NCAM2: variants seen among roughly 807,000 people sequenced by gnomAD.
NCAM2 encodes the protein neural cell adhesion molecule 2.
In NCAM2, 30 loss-of-function variants were observed where a neutral mutation model predicts 98.1. That is an observed-to-expected ratio of 0.31 (90% CI 0.23 to 0.41). The LOEUF (loss-of-function observed/expected upper bound fraction) is 0.41. Among genes scored for constraint, NCAM2 ranks in the 10% least tolerant of loss-of-function variants. NCAM2 has a pLI of 1.00. For synonymous variants in NCAM2, 368 were observed against 342.4 expected (o/e 1.07, Z -0.83); for missense variants, 867 against 1,005.8 (o/e 0.86, Z 1.87).
chr21:21,471,382 G>C (rs1387422578), intron 14 of NCAM2, among the ~76,000 whole-genome samples: 1 of 151,918 alleles, frequency 6.6e-6, no homozygotes, highest in Non-Finnish European at 1.5e-5. Context: ...AAAAGTTCTT[G>C]ATCATCTGTT....
intron 11 of NCAM2, among the ~76,000 whole-genome samples, chr21:21,419,606 C>T (rs1395647176): frequency 3.4e-5 from 5 of 146,984 alleles, no homozygotes; most frequent in African/African-American, 5.0e-5. Context: ...TGAGAACAGG[C>T]GGTGTTTGGT....
chr21:21,534,513 A>T, intron 16 of NCAM2, 24 bp from the exon 17 acceptor site: 1 of 1,535,470 alleles, frequency 6.5e-7, no homozygotes, highest in South Asian at 1.2e-5. Context: ...TACACAGGTG[A>T]GATGTTTCTC....
At chr21:21,380,712 A>C (rs1197980174) in intron 9 of NCAM2, among the ~76,000 whole-genome samples, 1 of 151,970 alleles carries the variant, frequency 6.6e-6, no homozygotes, top group African/African-American at 2.4e-5. Context: ...TCTGTCTCAA[A>C]CTTTCCTTGC....
chr21:21,329,274 C>G (rs1328580642), intron 6 of NCAM2, among the ~76,000 whole-genome samples: 2 of 152,090 alleles, frequency 1.3e-5, no homozygotes, highest in Non-Finnish European at 2.9e-5. Flanking sequence ...ATATTTTTTA[C>G]TGTACCTTTT....
At chr21:21,085,790 ATAT>A (rs2065894924) in intron 1 of NCAM2, among the ~76,000 whole-genome samples, 1 of 152,140 alleles carries the variant, frequency 6.6e-6, no homozygotes, top group South Asian at 2.1e-4. Flanking sequence ...CTGGGAGCAA[ATAT>A]TATTCAGCAT....
At chr21:21,131,574 G>C (rs1419153182) in intron 1 of NCAM2, among the ~76,000 whole-genome samples, 2 of 152,072 alleles carry the variant, frequency 1.3e-5, no homozygotes, top group East Asian at 3.9e-4. Context: ...CTCCTGGCTG[G>C]GGTATAATTT....
At chr21:21,090,781 A>G (rs1159546771) in intron 1 of NCAM2, among the ~76,000 whole-genome samples, 1 of 152,080 alleles carries the variant, frequency 6.6e-6, no homozygotes, top group Non-Finnish European at 1.5e-5. Flanking sequence ...AATTGCTTCA[A>G]CCCTCTAGAC....
intron 9 of NCAM2, among the ~76,000 whole-genome samples, chr21:21,402,547 G>A (rs1295320144): frequency 6.6e-6 from 1 of 152,094 alleles, no homozygotes; most frequent in Admixed American, 6.6e-5. Flanking sequence ...TTCTGATTTT[G>A]CCCTGGTCCT....
At chr21:21,513,759 G>T (rs952916705) in intron 16 of NCAM2, among the ~76,000 whole-genome samples, 1 of 152,024 alleles carries the variant, frequency 6.6e-6, no homozygotes, top group Non-Finnish European at 1.5e-5. Context: ...TTGATTTTCT[G>T]CCTGGATGTC....
At chr21:21,281,945 G>A (rs2072944452) in intron 2 of NCAM2, among the ~76,000 whole-genome samples, 1 of 151,556 alleles carries the variant, frequency 6.6e-6, no homozygotes, top group Non-Finnish European at 1.5e-5. Flanking sequence ...TGTATAACAT[G>A]TCACATTTTA....
intron 1 of NCAM2, among the ~76,000 whole-genome samples, chr21:21,084,261 G>C (rs1475225635): frequency 6.6e-6 from 1 of 152,084 alleles, no homozygotes; most frequent in African/African-American, 2.4e-5. Context: ...CCTTACCTTA[G>C]GGTTTAGGAT....
At chr21:21,122,660 A>G (rs2066699622) in intron 1 of NCAM2, among the ~76,000 whole-genome samples, 1 of 152,128 alleles carries the variant, frequency 6.6e-6, no homozygotes, top group South Asian at 2.1e-4. Context: ...GGACCTATTC[A>G]GTTCTGTTTC....
Position 21,335,569 on chromosome 21 carries a change from G to T in NCAM2, c.802G>T (p.Val268Phe). Residue 268 changes from valine (V) to phenylalanine (F), a missense_variant, in exon 7 of 18, where the codon GTC (valine) becomes TTC (phenylalanine). Val to Phe is a conservative substitution (Grantham distance 50, BLOSUM62 -1). Transcript: ENST00000400546. Reference sequence around the variant, plus strand: ...GAAAGGGAGCAATACAGAACTCACTGTCAGGAACATAATCAATAGTGATGG... The same window carrying T: ...GAAAGGGAGCAATACAGAACTCACTTTCAGGAACATAATCAATAGTGATGG... ...ILKGSNTELT[V>F]RNIINSDGGP... 1.2e-6 allele frequency: 2 copies of T among 1,611,452 alleles called. No homozygotes were observed. The highest frequency in any genetic ancestry group is 1.7e-6 in the Non-Finnish European group (2 of 1,178,654).
chr21:21,166,156 A>G (rs2067944062), intron 1 of NCAM2, among the ~76,000 whole-genome samples: 1 of 152,228 alleles, frequency 6.6e-6, no homozygotes, highest in Non-Finnish European at 1.5e-5. Flanking sequence ...CCTGTTTAGT[A>G]CATTATAACC....
intron 5 of NCAM2, among the ~76,000 whole-genome samples, chr21:21,314,163 C>A (rs988261186): frequency 2.6e-5 from 4 of 151,994 alleles, no homozygotes; most frequent in Admixed American, 6.6e-5. Context: ...GATTTAATTT[C>A]TTTTCTCTTT....
intron 11 of NCAM2, among the ~76,000 whole-genome samples, chr21:21,418,777 A>T (rs1293677362): frequency 6.6e-6 from 1 of 152,124 alleles, no homozygotes; most frequent in Non-Finnish European, 1.5e-5. Flanking sequence ...ATAAAACTAC[A>T]GTTGATTACA....
chr21:21,459,887 A>G (rs956505850), intron 12 of NCAM2, among the ~76,000 whole-genome samples: 1 of 151,918 alleles, frequency 6.6e-6, no homozygotes, highest in African/African-American at 2.4e-5. Context: ...AAATGTAACT[A>G]TAGTTAACAA....
At chr21:21,464,073 A>T (rs1048002145) in intron 12 of NCAM2, among the ~76,000 whole-genome samples, 1 of 152,092 alleles carries the variant, frequency 6.6e-6, no homozygotes, top group African/African-American at 2.4e-5. Flanking sequence ...GCATGTTTAA[A>T]TTCTTTTGCT....
chr21:21,501,437 A>T (rs1293845841), intron 15 of NCAM2, among the ~76,000 whole-genome samples: 1 of 151,958 alleles, frequency 6.6e-6, no homozygotes, highest in Non-Finnish European at 1.5e-5. Context: ...AATGGATGAA[A>T]TTATATAAGG....
Sources: gnomAD v4.1 joint callset for allele counts (sites outside exome capture counted in the v4.1 genomes callset) on GRCh38, gnomAD v4.1.1 for gene constraint, MANE v1.5 for transcripts, NCBI Gene and HGNC (gene_info 2026-07-23, HGNC 2026-07-21) for gene names.